SPTLC3: variants seen among roughly 807,000 people sequenced by gnomAD.
SPTLC3 encodes serine palmitoyltransferase 3.
SPTLC3 carries 36 observed loss-of-function variants against 59.3 expected under a neutral mutation model. That is an observed-to-expected ratio of 0.61 (90% CI 0.47 to 0.80). The LOEUF is 0.80. Among genes scored for constraint, SPTLC3 ranks in the 30% least tolerant of loss-of-function variants. The probability of loss-of-function intolerance (pLI) is 0.00; values close to 1 mark genes in which losing one functional copy is unlikely to be tolerated. For missense variants in SPTLC3, 625 were observed against 685.1 expected (o/e 0.91, Z 0.98); for synonymous variants, 257 against 240.8 (o/e 1.07, Z -0.62).
At chr20:13,071,168 A>C (rs1988421348) in intron 2 of SPTLC3, among the ~76,000 whole-genome samples, 1 of 152,236 alleles carries the variant, frequency 6.6e-6, no homozygotes, top group Admixed American at 6.5e-5. Context: ...TGCAGCATTC[A>C]TCCTAAGAAA....
intron 7 of SPTLC3, 70 bp downstream of exon 7, chr20:13,110,287 A>AG: frequency 3.1e-6 from 4 of 1,275,116 alleles, no homozygotes; most frequent in Non-Finnish European, 4.5e-6. Flanking sequence ...GGAAAGGCTC[A>AG]CCTTTCCTAG....
At chr20:13,077,353 A>C (rs1988684541) in intron 4 of SPTLC3, among the ~76,000 whole-genome samples, 1 of 151,740 alleles carries the variant, frequency 6.6e-6, no homozygotes, top group African/African-American at 2.4e-5. Flanking sequence ...AGACATTAAC[A>C]ATGTAATCAT....
intron 1 of SPTLC3, among the ~76,000 whole-genome samples, chr20:13,018,318 A>G (rs756064439): frequency 7.9e-5 from 12 of 152,188 alleles, no homozygotes; most frequent in Non-Finnish European, 1.6e-4. Flanking sequence ...TTATATTTAC[A>G]TTTACAGAGT....
intron 9 of SPTLC3, among the ~76,000 whole-genome samples, chr20:13,135,615 G>C (rs577102458): frequency 6.6e-6 from 1 of 152,044 alleles, no homozygotes; most frequent in African/African-American, 2.4e-5. Flanking sequence ...TTAGATCTAC[G>C]GGCCCACTTA....
chr20:13,079,788 G>A (rs1481734250), intron 4 of SPTLC3: 1 of 469,648 alleles, frequency 2.1e-6, no homozygotes, highest in South Asian at 1.6e-5. Flanking sequence ...CTCTGTGTGG[G>A]AGGGGTCTTG....
intron 6 of SPTLC3, among the ~76,000 whole-genome samples, chr20:13,094,179 G>T (rs1477070792): frequency 6.6e-6 from 1 of 152,106 alleles, no homozygotes; most frequent in Non-Finnish European, 1.5e-5. Context: ...GGTGGATGGT[G>T]GTGGACATCT....
chr20:13,075,135 A>C (rs1294320407), intron 4 of SPTLC3, among the ~76,000 whole-genome samples: 7 of 36,988 alleles, frequency 1.9e-4, no homozygotes, highest in Admixed American at 1.6e-3. Context: ...TCATTTATTC[A>C]AAAAAAAAAA....
chr20:13,091,362 C>A (rs1989211094), intron 5 of SPTLC3, among the ~76,000 whole-genome samples, 155 bp downstream of exon 5: 2 of 151,908 alleles, frequency 1.3e-5, no homozygotes, highest in South Asian at 4.2e-4. Flanking sequence ...ATCACGAGGT[C>A]AAGAGACCTA....
At chr20:13,023,705 A>G (rs940104215) in intron 1 of SPTLC3, among the ~76,000 whole-genome samples, 5 of 152,174 alleles carry the variant, frequency 3.3e-5, no homozygotes, top group African/African-American at 9.7e-5. Context: ...AAGTCATTAG[A>G]TTACTTTGGT....
intron 1 of SPTLC3, among the ~76,000 whole-genome samples, chr20:13,014,563 T>A (rs886332907): frequency 6.6e-6 from 1 of 152,166 alleles, no homozygotes; most frequent in Admixed American, 6.5e-5. Flanking sequence ...GCCTTTGTCT[T>A]AGTTTACATT....
chr20:13,128,254 T>A (rs1316298899), intron 9 of SPTLC3, among the ~76,000 whole-genome samples: 1 of 152,190 alleles, frequency 6.6e-6, no homozygotes, highest in Admixed American at 6.5e-5. Flanking sequence ...GTAGGAAGCA[T>A]CCTTATGACA....
rs767592787 is a variant in SPTLC3, at chr20:13,079,708, G to A, written c.607+5211G>A. 129 of 465,448 alleles carry A rather than the reference G, an allele frequency of 2.8e-4. 1 individual carries two copies. The highest frequency in any genetic ancestry group is 4.8e-4 in the Non-Finnish European group (107 of 224,680). 28.8% of individuals were successfully genotyped at this position (465,448 alleles called of 1,614,324 possible). ...GGTTTGTTGCTTATGACCAAACCCT[G>A]CTCAGTTCTACAACCTGTGTTGGCC... is the stretch of plus-strand genomic sequence containing the variant. On this transcript the variant is annotated intron_variant, in intron 4 of 11. Transcript: ENST00000399002.
intron 11 of SPTLC3, among the ~76,000 whole-genome samples, chr20:13,163,367 CAAAAAAAAAA>C (rs56217510): frequency 1.1e-4 from 10 of 90,086 alleles, no homozygotes. Context: ...GACGCTGTCT[CAAAAAAAAAA>C]AAAAAAAAAA....
intron 9 of SPTLC3, among the ~76,000 whole-genome samples, chr20:13,128,734 A>G (rs1430223513): frequency 6.6e-6 from 1 of 151,938 alleles, no homozygotes; most frequent in Non-Finnish European, 1.5e-5. Context: ...TCTGTCACCC[A>G]GGCTGAAGGG....
chr20:13,018,065 T>C (rs796885606), intron 1 of SPTLC3, among the ~76,000 whole-genome samples: 108 of 152,328 alleles, frequency 7.1e-4, no homozygotes, highest in African/African-American at 2.5e-3. Flanking sequence ...TGATGTATCT[T>C]GGAAGTGAAT....
At chr20:13,035,723 A>G (rs2122450887) in intron 1 of SPTLC3, among the ~76,000 whole-genome samples, 1 of 152,306 alleles carries the variant, frequency 6.6e-6, no homozygotes, top group Non-Finnish European at 1.5e-5. Context: ...CACACTCTAA[A>G]AGAAGCAACT....
chr20:13,131,418 G>A (rs1006681252), intron 9 of SPTLC3, among the ~76,000 whole-genome samples: 2 of 152,200 alleles, frequency 1.3e-5, no homozygotes, highest in Admixed American at 6.5e-5. Context: ...ATTAAAGGTT[G>A]TCAGAAGAAT....
At chr20:13,043,135 G>A (rs528807099) in intron 1 of SPTLC3, among the ~76,000 whole-genome samples, 2 of 152,330 alleles carry the variant, frequency 1.3e-5, no homozygotes, top group South Asian at 4.1e-4. Context: ...GGAAGTTTGT[G>A]TTCTCCCTCA....
rs751025539 is a variant in SPTLC3, at chr20:13,074,096, T to C, written c.459-253T>C. ...TGGAAGCTACCTGGCTGTTCATCCT[T>C]TTCCAGCTTCCAGGGACTAAAGTGC... is the stretch of plus-strand genomic sequence containing the variant. On this transcript the variant is annotated intron_variant, in intron 3 of 11. Transcript: ENST00000399002. The C allele has an allele frequency of 2.7e-4, 184 of 670,764 alleles. No homozygotes were observed. In the Middle Eastern group the frequency reaches 2.9e-3, roughly 11 times the overall value. The allele number at this position is 670,764 out of a possible 1,614,324, so 41.6% of individuals were successfully genotyped here.
Sources: gnomAD v4.1 joint callset for allele counts (sites outside exome capture counted in the v4.1 genomes callset) on GRCh38, gnomAD v4.1.1 for gene constraint, MANE v1.5 for transcripts, NCBI Gene and HGNC (gene_info 2026-07-23, HGNC 2026-07-21) for gene names.